The following B3GALT1 variants were observed in gnomAD, a reference collection of about 807,000 sequenced individuals.
The protein encoded by B3GALT1 is UDP-Gal:betaGlcNAc beta 1,3-galactosyltransferase, polypeptide 1.
A neutral mutation model predicts 23.2 loss-of-function variants in B3GALT1; 10 were observed. That is an observed-to-expected ratio of 0.43 (90% CI 0.27 to 0.73). The LOEUF (loss-of-function observed/expected upper bound fraction) is 0.73, where lower values mean the gene tolerates loss of function less well. Ranked by LOEUF, B3GALT1 falls within the 30% of genes least tolerant of loss-of-function variation. The pLI is 0.21. For synonymous variants in B3GALT1, 156 were observed against 141.5 expected (o/e 1.10, Z -0.73); for missense variants, 299 against 405.4 (o/e 0.74, Z 2.25).
At chr2:167,670,318 A>G (rs776733792) in intron 3 of B3GALT1, among the ~76,000 whole-genome samples, 14 of 152,220 alleles carry the variant, frequency 9.2e-5, no homozygotes, top group Non-Finnish European at 1.8e-4. Flanking sequence ...ATTATCTTCC[A>G]AAGAGGAAAA....
At chr2:167,466,713 A>T (rs564011662) in intron 1 of B3GALT1, among the ~76,000 whole-genome samples, 4 of 101,912 alleles carry the variant, frequency 3.9e-5, no homozygotes, top group African/African-American at 1.4e-4. Context: ...TTTAACTATT[A>T]TCACTCTTTT....
intron 2 of B3GALT1, among the ~76,000 whole-genome samples, chr2:167,644,624 C>CA (rs1685711953): frequency 6.6e-6 from 1 of 151,550 alleles, no homozygotes; most frequent in Non-Finnish European, 1.5e-5. Flanking sequence ...ACTAAAAATA[C>CA]AAAAAATTAG....
chr2:167,561,090 A>C (rs1490643775), intron 2 of B3GALT1, among the ~76,000 whole-genome samples: 1 of 152,152 alleles, frequency 6.6e-6, no homozygotes, highest in African/African-American at 2.4e-5. Context: ...AAAGAACAGA[A>C]ATTATAACAA....
chr2:167,325,878 T>C (rs1458137052), intron 1 of B3GALT1, among the ~76,000 whole-genome samples: 12 of 151,740 alleles, frequency 7.9e-5, no homozygotes, highest in African/African-American at 2.7e-4. Flanking sequence ...CCACCACACC[T>C]GGCTAATTTT....
At chr2:167,803,350 C>A (rs1688678410) in intron 3 of B3GALT1, among the ~76,000 whole-genome samples, 1 of 152,100 alleles carries the variant, frequency 6.6e-6, no homozygotes, top group Non-Finnish European at 1.5e-5. Flanking sequence ...TCAGATTTTC[C>A]AAGGATCTTG....
intron 1 of B3GALT1, among the ~76,000 whole-genome samples, chr2:167,417,742 C>T (rs1410813293): frequency 3.9e-5 from 6 of 152,180 alleles, no homozygotes; most frequent in African/African-American, 1.4e-4. Flanking sequence ...CCATCAGGCC[C>T]AGTGAGTCAC....
intron 3 of B3GALT1, among the ~76,000 whole-genome samples, chr2:167,696,693 C>T (rs1427431609): frequency 6.6e-6 from 1 of 152,076 alleles, no homozygotes; most frequent in Non-Finnish European, 1.5e-5. Context: ...GTAGGACAAC[C>T]TCAAGCTGGG....
chr2:167,412,264 A>G (rs1305642634), intron 1 of B3GALT1, among the ~76,000 whole-genome samples: 1 of 152,228 alleles, frequency 6.6e-6, no homozygotes, highest in African/African-American at 2.4e-5. Flanking sequence ...ATCGAGTTAT[A>G]TCATAATAAC....
chr2:167,460,957 C>T (rs1459214375), intron 1 of B3GALT1, among the ~76,000 whole-genome samples: 2 of 152,072 alleles, frequency 1.3e-5, no homozygotes, highest in African/African-American at 4.8e-5. Flanking sequence ...TCATTAATGC[C>T]TGGTTCCTAA....
At chr2:167,645,777 G>C (rs778539541) in intron 2 of B3GALT1, among the ~76,000 whole-genome samples, 5 of 151,800 alleles carry the variant, frequency 3.3e-5, no homozygotes, top group Non-Finnish European at 5.9e-5. Flanking sequence ...CACCACGTTG[G>C]TCAGGCTGGT....
chr2:167,525,101 C>G (rs1474690075), intron 2 of B3GALT1, among the ~76,000 whole-genome samples: 1 of 151,776 alleles, frequency 6.6e-6, no homozygotes, highest in East Asian at 2.0e-4. Context: ...GGTATATTTT[C>G]AGTTAACACA....
intron 4 of B3GALT1, among the ~76,000 whole-genome samples, chr2:167,848,691 A>T (rs775263438): frequency 5.9e-5 from 9 of 152,184 alleles, no homozygotes; most frequent in Non-Finnish European, 1.0e-4. Context: ...AACAAGACAA[A>T]GATGCCCACT....
chr2:167,547,511 AT>A (rs780019746), intron 2 of B3GALT1, among the ~76,000 whole-genome samples: 10 of 152,058 alleles, frequency 6.6e-5, no homozygotes, highest in Non-Finnish European at 1.0e-4. Flanking sequence ...CCTGGCCAAC[AT>A]GGCAAAACCC....
intron 2 of B3GALT1, among the ~76,000 whole-genome samples, chr2:167,597,118 T>G (rs1399947855): frequency 6.7e-5 from 5 of 74,152 alleles, no homozygotes; most frequent in East Asian, 3.3e-4. Flanking sequence ...TTTGTTTTTG[T>G]TTTTTTTTTT....
chr2:167,582,167 G>A (rs1454715360), intron 2 of B3GALT1, among the ~76,000 whole-genome samples: 4 of 152,194 alleles, frequency 2.6e-5, no homozygotes, highest in African/African-American at 7.2e-5. Flanking sequence ...TCTTAGAGCC[G>A]GTTGACCAGT....
chr2:167,555,271 A>C (rs1417097817), intron 2 of B3GALT1, among the ~76,000 whole-genome samples: 3 of 152,190 alleles, frequency 2.0e-5, no homozygotes, highest in Non-Finnish European at 2.9e-5. Context: ...GGAATTTTGC[A>C]TACATTATCA....
chr2:167,411,224 TAAC>T (rs141653413), intron 1 of B3GALT1, among the ~76,000 whole-genome samples: 1,655 of 150,678 alleles, frequency 0.011, 17 homozygotes, highest in South Asian at 0.062. Flanking sequence ...ATCTTCTGTA[TAAC>T]AACAACAACA....
Position 167,652,106 on chromosome 2 carries a change from G to C in B3GALT1, c.-352+5140G>C, listed in dbSNP as rs182895623. On this transcript the variant is annotated intron_variant, in intron 3 of 4. Transcript: ENST00000392690. ...AGCTAACATTTTGCTGAACATATTG[G>C]GGGGAAGCAGAACCTTGAAGCCGTT... Among the ~76,000 whole-genome samples, 4 of 152,148 alleles carry C rather than the reference G, an allele frequency of 2.6e-5. No homozygotes were observed. The South Asian group carries it at 6.2e-4, about 24-fold the overall frequency.
chr2:167,568,882 A>G (rs1055783108), intron 2 of B3GALT1, among the ~76,000 whole-genome samples: 9 of 151,852 alleles, frequency 5.9e-5, no homozygotes, highest in Admixed American at 2.0e-4. Context: ...TCTATAATCC[A>G]TCTTAATTTT....
Sources: allele counts gnomAD v4.1 joint callset (sites outside exome capture counted in the v4.1 genomes callset), GRCh38; gene constraint gnomAD v4.1.1; transcripts MANE v1.5; gene names NCBI Gene and HGNC (gene_info 2026-07-23, HGNC 2026-07-21).